The following CNTNAP2 variants were observed in gnomAD, a reference collection of about 807,000 sequenced individuals.
CNTNAP2 encodes the protein contactin-associated protein-like 2.
CNTNAP2 carries 98 observed loss-of-function variants against 155.2 expected under a neutral mutation model. That is an observed-to-expected ratio of 0.63 (90% confidence interval 0.54 to 0.75). The LOEUF (loss-of-function observed/expected upper bound fraction) is 0.75. CNTNAP2 is among the 30% of genes least tolerant of loss of function. The pLI, the probability that CNTNAP2 is intolerant of heterozygous loss-of-function variation, is 0.00. For synonymous variants in CNTNAP2, 651 were observed against 631.2 expected, an observed-to-expected ratio of 1.03 and a Z score of -0.47; for missense variants, 1,727 against 1,688.1, an observed-to-expected ratio of 1.02 and a Z score of -0.40.
At chr7:147,402,775 C>G (rs1796938790) in intron 10 of CNTNAP2, among the ~76,000 whole-genome samples, 1 of 151,986 alleles carries the variant, frequency 6.6e-6, no homozygotes, top group Admixed American at 6.6e-5. Flanking sequence ...AGCATGCCAT[C>G]CCTCCCTATC....
At chr7:146,859,582 A>G (rs1291223178) in intron 3 of CNTNAP2, among the ~76,000 whole-genome samples, 1 of 152,012 alleles carries the variant, frequency 6.6e-6, no homozygotes, top group Non-Finnish European at 1.5e-5. Flanking sequence ...GCTTGAACGC[A>G]GGAGGCAGAA....
At chr7:147,061,652 T>G (rs1252796946) in intron 4 of CNTNAP2, among the ~76,000 whole-genome samples, 1 of 152,210 alleles carries the variant, frequency 6.6e-6, no homozygotes. Context: ...GATTCAGTGA[T>G]TCTCTGCTGC....
intron 10 of CNTNAP2, among the ~76,000 whole-genome samples, chr7:147,396,167 C>CATATATATATAGCATAT: frequency 1.1e-5 from 1 of 91,388 alleles, no homozygotes; most frequent in Middle Eastern, 5.0e-3. Flanking sequence ...TGAGATATAT[C>CATATATATATAGCATAT]ATATATATAT....
chr7:147,902,921 T>A (rs180989083), intron 13 of CNTNAP2, among the ~76,000 whole-genome samples: 1 of 152,148 alleles, frequency 6.6e-6, no homozygotes, highest in East Asian at 1.9e-4. Context: ...TGGTGAATTG[T>A]GCTGCTATAA....
chr7:147,737,127 C>T (rs1237187707), intron 13 of CNTNAP2, among the ~76,000 whole-genome samples: 3 of 152,276 alleles, frequency 2.0e-5, no homozygotes, highest in South Asian at 2.1e-4. Context: ...AGTTTTTCTG[C>T]TCTGTTTTTT....
intron 15 of CNTNAP2, among the ~76,000 whole-genome samples, chr7:148,002,143 G>A (rs1336809381): frequency 6.6e-6 from 1 of 152,132 alleles, no homozygotes; most frequent in Non-Finnish European, 1.5e-5. Flanking sequence ...TATGAGAAAA[G>A]CAGAACATCT....
chr7:146,606,583 T>A (rs1225296628), intron 1 of CNTNAP2, among the ~76,000 whole-genome samples: 2 of 152,228 alleles, frequency 1.3e-5, no homozygotes, highest in East Asian at 3.9e-4. Context: ...TTATGTTTTG[T>A]CTCTTTTGTA....
At chr7:147,760,642 A>G (rs186946696) in intron 13 of CNTNAP2, among the ~76,000 whole-genome samples, 115 of 152,292 alleles carry the variant, frequency 7.6e-4, no homozygotes, top group African/African-American at 2.6e-3. Flanking sequence ...CCTTAGAATG[A>G]CCAAGTCCTT....
intron 3 of CNTNAP2, among the ~76,000 whole-genome samples, chr7:146,845,020 T>A (rs1803814916): frequency 6.6e-6 from 1 of 152,130 alleles, no homozygotes; most frequent in Non-Finnish European, 1.5e-5. Flanking sequence ...TTAAATAGAT[T>A]ACTTATTTTC....
At chr7:148,404,713 G>A (rs969816892) in intron 22 of CNTNAP2, among the ~76,000 whole-genome samples, 1 of 152,076 alleles carries the variant, frequency 6.6e-6, no homozygotes, top group African/African-American at 2.4e-5. Context: ...CTGCCCTCTT[G>A]GTACCCAGGT....
intron 18 of CNTNAP2, among the ~76,000 whole-genome samples, chr7:148,176,058 A>T (rs1475733623): frequency 1.3e-5 from 2 of 152,074 alleles, no homozygotes; most frequent in Non-Finnish European, 2.9e-5. Context: ...AACTAGGAAG[A>T]CAGGGCTGGA....
At chr7:146,262,478 C>G (rs975035136) in intron 1 of CNTNAP2, among the ~76,000 whole-genome samples, 2 of 152,100 alleles carry the variant, frequency 1.3e-5, no homozygotes, top group African/African-American at 2.4e-5. Flanking sequence ...TTTTAAGATA[C>G]AGAAAGAAAT....
At position 148,222,321 on chromosome 7, in the gene CNTNAP2, G is replaced by A. The variant is rs1402378713; in HGVS notation, c.3247+4797G>A. 1.3e-5 allele frequency among the ~76,000 whole-genome samples: 2 copies of A among 152,212 alleles called. 1 individual carries two copies. Among genetic ancestry groups the A allele is most frequent in the Admixed American group, 1.3e-4 (2 of 15,284 alleles). On this transcript the variant is annotated intron_variant, in intron 19 of 23. Transcript: ENST00000361727. ...GGAGGCTAAGAAGTCTGAGGCCAAAGGGCCAAACCTGGTGAGGGCCTTATT... is the reference window on the plus strand; with the variant it reads ...GGAGGCTAAGAAGTCTGAGGCCAAAAGGCCAAACCTGGTGAGGGCCTTATT...
At chr7:147,153,995 T>C (rs1801875692) in intron 8 of CNTNAP2, among the ~76,000 whole-genome samples, 1 of 152,030 alleles carries the variant, frequency 6.6e-6, no homozygotes, top group Admixed American at 6.6e-5. Flanking sequence ...CTGTCAAGGA[T>C]TGCTCTTTCA....
intron 1 of CNTNAP2, among the ~76,000 whole-genome samples, chr7:146,412,285 A>C (rs1331988536): frequency 1.3e-5 from 2 of 152,226 alleles, no homozygotes; most frequent in Admixed American, 1.3e-4. Flanking sequence ...CAATGCTCTT[A>C]TCTGTAAATC....
intron 15 of CNTNAP2, among the ~76,000 whole-genome samples, chr7:148,015,866 T>A (rs1042900389): frequency 4.6e-5 from 7 of 152,224 alleles, no homozygotes; most frequent in African/African-American, 1.7e-4. Flanking sequence ...ATTTTGTAGA[T>A]CTGGTGAATT....
intron 21 of CNTNAP2, among the ~76,000 whole-genome samples, chr7:148,282,707 G>A (rs576577334): frequency 3.3e-5 from 5 of 152,102 alleles, no homozygotes; most frequent in Admixed American, 1.3e-4. Context: ...ATCTTTCCAT[G>A]GTTTCCAAAA....
chr7:147,675,507 G>A (rs1161942338), intron 13 of CNTNAP2, among the ~76,000 whole-genome samples: 1 of 151,956 alleles, frequency 6.6e-6, no homozygotes, highest in Non-Finnish European at 1.5e-5. Flanking sequence ...GATATCTGAG[G>A]GCAGGTACTC....
chr7:147,622,429 TA>T (rs1794876392), intron 12 of CNTNAP2, among the ~76,000 whole-genome samples: 1 of 152,014 alleles, frequency 6.6e-6, no homozygotes, highest in South Asian at 2.1e-4. Context: ...AAAATAATAT[TA>T]AGCATATTCT....
Sources: allele counts gnomAD v4.1 joint callset (sites outside exome capture counted in the v4.1 genomes callset), GRCh38; gene constraint gnomAD v4.1.1; transcripts MANE v1.5; gene names NCBI Gene and HGNC (gene_info 2026-07-23, HGNC 2026-07-21).